The following GRIK2 variants were observed in gnomAD, a reference collection of about 807,000 sequenced individuals.
The protein encoded by GRIK2 is glutamate ionotropic receptor kainate type subunit 2, also known as glutamate receptor ionotropic, kainate 2.
Under a neutral mutation model 100.3 loss-of-function variants are expected in GRIK2, and 32 were observed. The observed-to-expected ratio is 0.32, with a 90% confidence interval of 0.24 to 0.43. The LOEUF is 0.43. Among genes scored for constraint, GRIK2 ranks in the 20% least tolerant of loss-of-function variants. GRIK2 has a pLI of 1.00. For synonymous variants in GRIK2, 417 were observed against 389.4 expected, an observed-to-expected ratio of 1.07 and a Z score of -0.83; for missense variants, 843 against 1,114.9, an observed-to-expected ratio of 0.76 and a Z score of 3.47.
At chr6:101,693,736 T>C (rs1772274031) in intron 7 of GRIK2, among the ~76,000 whole-genome samples, 1 of 151,882 alleles carries the variant, frequency 6.6e-6, no homozygotes. Context: ...AATAAAAAAT[T>C]ATATATATCT....
In GRIK2 at chr6:101,927,414, A is replaced by G. The variant is rs191888268; in HGVS notation, c.1868-1001A>G. 259 of 191,838 alleles carry G rather than the reference A, an allele frequency of 1.4e-3. 1 individual carries two copies. Among genetic ancestry groups the G allele is most frequent in the African/African-American group, 5.3e-3 (223 of 42,320 alleles). The allele number at this position is 191,838 out of a possible 1,614,324, so 11.9% of individuals were successfully genotyped here. ...TACTTTTAGTCTATGCTTTCTTGAT[A>G]GATTCAAAATGATTAAAAGTGAACA... On this transcript the variant is annotated intron_variant, in intron 13 of 16. Transcript: ENST00000369134.
intron 3 of GRIK2, 142 bp downstream of exon 3, chr6:101,622,258 AAATTT>A: frequency 1.8e-6 from 1 of 547,318 alleles, no homozygotes; most frequent in South Asian, 3.0e-5. Context: ...AAATGCATAT[AAATTT>A]TATCAGAGAA....
intron 5 of GRIK2, 72 bp downstream of exon 5, chr6:101,676,876 C>A (rs972383605): frequency 3.5e-6 from 3 of 853,076 alleles, no homozygotes; most frequent in South Asian, 1.7e-5. Context: ...TCTTTTAAAT[C>A]AAAATATTAT....
chr6:101,469,194 A>G (rs771238836), intron 2 of GRIK2, among the ~76,000 whole-genome samples: 13 of 152,170 alleles, frequency 8.5e-5, no homozygotes, highest in Non-Finnish European at 1.8e-4. Context: ...CAGAGCTAAT[A>G]TTTTTAGAGT....
intron 10 of GRIK2, among the ~76,000 whole-genome samples, chr6:101,828,487 G>A (rs536380697): frequency 3.9e-4 from 59 of 151,792 alleles, no homozygotes; most frequent in Non-Finnish European, 5.9e-4. Context: ...TGAAAAGATG[G>A]GTCTTCGAAA....
In GRIK2 at chr6:101,597,757, A is replaced by C. The variant is rs113713485; in HGVS notation, c.116-24192A>C. Among the ~76,000 whole-genome samples the C allele has an allele frequency of 3.9e-3, 587 of 151,834 alleles. 4 individuals carry two copies. The highest frequency in any genetic ancestry group is 0.014 in the African/African-American group (567 of 41,500). On this transcript the variant is annotated intron_variant, in intron 2 of 16. Transcript: ENST00000369134. ...GGCCTCACCCTTTTCTTCCATTTCA[A>C]AGCAAGGACGTTCTCTGTTTTTAGT...
intron 2 of GRIK2, among the ~76,000 whole-genome samples, chr6:101,419,222 C>G (rs2128239818): frequency 6.6e-6 from 1 of 152,274 alleles, no homozygotes; most frequent in Admixed American, 6.5e-5. Flanking sequence ...GGATGTAGGA[C>G]CTATTCCTCA....
chr6:101,920,254 G>A (rs1375865547), intron 12 of GRIK2, among the ~76,000 whole-genome samples: 1 of 151,858 alleles, frequency 6.6e-6, no homozygotes, highest in Non-Finnish European at 1.5e-5. Context: ...TGAATTAGTG[G>A]ACATTTATTT....
At chr6:101,430,958 C>A in intron 2 of GRIK2, 1 of 305,264 alleles carries the variant, frequency 3.3e-6, no homozygotes, top group South Asian at 4.0e-5. Flanking sequence ...AGGCATAGCC[C>A]TCAAAGATGG....
chr6:101,618,756 A>T lies in GRIK2; in HGVS notation c.116-3193A>T, dbSNP rs140855676. Among the ~76,000 whole-genome samples, 9 of 151,724 alleles carry T rather than the reference A, an allele frequency of 5.9e-5. No individual in the cohort carries two copies. In the East Asian group the frequency reaches 1.7e-3, roughly 29 times the overall value. Reference sequence around the variant, plus strand: ...TTTTGGTATTTTCATTGATATAGTCAAACATATTTGGCAAAACACATTTGT... The same window carrying T: ...TTTTGGTATTTTCATTGATATAGTCTAACATATTTGGCAAAACACATTTGT... On this transcript the variant is annotated intron_variant, in intron 2 of 16. Coordinates refer to ENST00000369134, the MANE Select transcript of GRIK2 (RefSeq NM_021956.5).
At chr6:102,014,689 T>C (rs1450286229) in intron 14 of GRIK2, among the ~76,000 whole-genome samples, 1 of 152,154 alleles carries the variant, frequency 6.6e-6, no homozygotes, top group African/African-American at 2.4e-5. Flanking sequence ...GTTTCATTAT[T>C]TACTGCAAAG....
intron 7 of GRIK2, 131 bp downstream of exon 7, chr6:101,686,484 C>T (rs1771709972): frequency 1.6e-6 from 1 of 619,970 alleles, no homozygotes; most frequent in Admixed American, 2.9e-5. Flanking sequence ...AATATCAGAG[C>T]TACAATGCAA....
intron 7 of GRIK2, among the ~76,000 whole-genome samples, chr6:101,736,568 G>C (rs1308644325): frequency 2.0e-5 from 3 of 152,142 alleles, no homozygotes; most frequent in African/African-American, 4.8e-5. Flanking sequence ...GCTCTACATT[G>C]GCCCCTTTCA....
chr6:101,766,160 C>A (rs1197935726), intron 7 of GRIK2, among the ~76,000 whole-genome samples: 1 of 151,854 alleles, frequency 6.6e-6, no homozygotes, highest in Non-Finnish European at 1.5e-5. Context: ...ACATATTTGC[C>A]TGATATATTT....
chr6:101,449,290 T>G (rs1201028409), intron 2 of GRIK2, among the ~76,000 whole-genome samples: 1 of 151,694 alleles, frequency 6.6e-6, no homozygotes, highest in East Asian at 1.9e-4. Flanking sequence ...TATCTCTTAT[T>G]TCATATTATT....
At chr6:101,933,399 A>G (rs2128473265) in intron 14 of GRIK2, among the ~76,000 whole-genome samples, 1 of 151,842 alleles carries the variant, frequency 6.6e-6, no homozygotes, top group Non-Finnish European at 1.5e-5. Context: ...CCTACCTTAC[A>G]TGTAGCTAAA....
At position 101,399,295 on chromosome 6, in the gene GRIK2, G is replaced by A. The variant is rs776282459; in HGVS notation, c.18G>A (p.Pro6=). The A allele has an allele frequency of 2.6e-6, 4 of 1,559,240 alleles. No homozygotes were observed. The highest frequency in any genetic ancestry group is 3.5e-6 in the Non-Finnish European group (4 of 1,130,164). Reference sequence around the variant, plus strand: ...GAAACACCATGAAGATTATTTTCCCGATTCTAAGTAATCCAGTCTTCAGGC... The same window carrying A: ...GAAACACCATGAAGATTATTTTCCCAATTCTAAGTAATCCAGTCTTCAGGC... The part of the protein sequence containing the change: MKIIF[P]ILSNPVFRRT... Residue 6 remains proline, a synonymous_variant, in exon 2 of 17, where the codon CCG becomes CCA. Coordinates refer to ENST00000369134, the MANE Select transcript of GRIK2 (RefSeq NM_021956.5).
intron 7 of GRIK2, among the ~76,000 whole-genome samples, chr6:101,792,262 G>C (rs1176422721): frequency 6.6e-6 from 1 of 151,388 alleles, no homozygotes; most frequent in Non-Finnish European, 1.5e-5. Flanking sequence ...GATGATAGCT[G>C]GTTATTTTGC....
intron 2 of GRIK2, among the ~76,000 whole-genome samples, chr6:101,597,875 C>A (rs1027087538): frequency 2.6e-5 from 4 of 151,666 alleles, no homozygotes; most frequent in Non-Finnish European, 5.9e-5. Context: ...TTCTGTCCTG[C>A]GGTGGCGCTG....
Sources: allele counts gnomAD v4.1 joint callset (sites outside exome capture counted in the v4.1 genomes callset), GRCh38; gene constraint gnomAD v4.1.1; transcripts MANE v1.5; gene names NCBI Gene and HGNC (gene_info 2026-07-23, HGNC 2026-07-21).